The following STAU2 variants were observed in gnomAD, a reference collection of about 807,000 sequenced individuals.
The protein encoded by STAU2 is staufen double-stranded RNA binding protein 2.
In STAU2, 20 loss-of-function variants were observed where a neutral mutation model predicts 65.9. The observed-to-expected ratio is 0.30, with a 90% CI of 0.21 to 0.44. The LOEUF is 0.44. Among genes scored for constraint, STAU2 ranks in the 20% least tolerant of loss-of-function variants. The probability of loss-of-function intolerance (pLI) is 1.00; values close to 1 mark genes in which losing one functional copy is unlikely to be tolerated. For missense variants in STAU2, 558 were observed against 683.9 expected (o/e 0.82, Z 2.05); for synonymous variants, 232 against 233.9 (o/e 0.99, Z 0.07).
At chr8:73,467,885 T>A (rs1440314026) in intron 13 of STAU2, among the ~76,000 whole-genome samples, 1 of 152,164 alleles carries the variant, frequency 6.6e-6, no homozygotes, top group African/African-American at 2.4e-5. Context: ...CTGCCCAAGA[T>A]AATTTATAGA....
intron 13 of STAU2, among the ~76,000 whole-genome samples, chr8:73,520,287 T>G (rs1822972176): frequency 1.3e-5 from 2 of 152,248 alleles, no homozygotes; most frequent in South Asian, 4.1e-4. Context: ...AAATCAGATG[T>G]ATTATAAGAA....
At chr8:73,591,204 G>A (rs1421056486) in intron 11 of STAU2, among the ~76,000 whole-genome samples, 1 of 151,950 alleles carries the variant, frequency 6.6e-6, no homozygotes, top group Non-Finnish European at 1.5e-5. Flanking sequence ...TGAATTGTAC[G>A]GTTTGAAAAA....
At chr8:73,664,505 G>A (rs943634209) in intron 6 of STAU2, among the ~76,000 whole-genome samples, 24 of 152,146 alleles carry the variant, frequency 1.6e-4, no homozygotes, top group African/African-American at 5.8e-4. Flanking sequence ...TCATTAGTGA[G>A]CGCTGACTTC....
intron 3 of STAU2, among the ~76,000 whole-genome samples, chr8:73,729,445 T>A (rs1017383436): frequency 1.3e-5 from 2 of 152,224 alleles, no homozygotes. Flanking sequence ...GTATTCTTAC[T>A]CTCTCCTCTC....
At chr8:73,707,660 T>C (rs1488697227) in intron 4 of STAU2, among the ~76,000 whole-genome samples, 1 of 151,938 alleles carries the variant, frequency 6.6e-6, no homozygotes, top group South Asian at 2.1e-4. Context: ...CAAGGAAGAA[T>C]ACCTGGAATT....
At chr8:73,580,276 C>A (rs1359134305) in intron 12 of STAU2, among the ~76,000 whole-genome samples, 1 of 152,140 alleles carries the variant, frequency 6.6e-6, no homozygotes, top group Non-Finnish European at 1.5e-5. Context: ...AGATGTTATT[C>A]AAGGATGGGT....
intron 13 of STAU2, among the ~76,000 whole-genome samples, chr8:73,545,002 T>G (rs1046623220): frequency 6.6e-6 from 1 of 152,196 alleles, no homozygotes; most frequent in Non-Finnish European, 1.5e-5. Context: ...AGGCCTTTAA[T>G]GAGTACTGCC....
At chr8:73,576,587 G>A (rs1197024093) in intron 12 of STAU2, among the ~76,000 whole-genome samples, 4 of 151,998 alleles carry the variant, frequency 2.6e-5, no homozygotes, top group African/African-American at 9.7e-5. Flanking sequence ...TAAATATATT[G>A]GTAATGTCTA....
Position 73,475,251 on chromosome 8 carries a change from G to A in STAU2, c.1531-52549C>T, listed in dbSNP as rs79359670. On this transcript the variant is annotated intron_variant, in intron 13 of 14. Coordinates refer to ENST00000524300, the MANE Select transcript of STAU2 (RefSeq NM_001164380.2). ...GTACACTGATGTACACTTTTCTGCA[G>A]TATATTGTATTTCAGTGAGAAGTTT... 8.4e-4 allele frequency among the ~76,000 whole-genome samples: 128 copies of A among 152,268 alleles called. 2 individuals carry two copies. In the East Asian group the frequency reaches 0.023, roughly 27 times the overall value.
intron 6 of STAU2, among the ~76,000 whole-genome samples, chr8:73,635,909 C>CACACAT (rs1491296887): frequency 9.4e-4 from 28 of 29,910 alleles, no homozygotes; most frequent in African/African-American, 5.2e-3. Context: ...ACCCCTGAAC[C>CACACAT]ACACACACAC....
rs192048436 is a variant in STAU2, at chr8:73,596,691, A to G, written c.1030-1394T>C. Among the ~76,000 whole-genome samples the G allele has an allele frequency of 2.8e-3, 424 of 152,172 alleles. 3 individuals are homozygous for G. Among genetic ancestry groups the G allele is most frequent in the Middle Eastern group, 6.8e-3 (2 of 294 alleles). On this transcript the variant is annotated intron_variant, in intron 10 of 14. Coordinates refer to ENST00000524300, the MANE Select transcript of STAU2 (RefSeq NM_001164380.2). ...TAGTGAGACCCCATTTTTACAAAAA[A>G]AATTTTAATTAGCTAGGCATGATGG... is the stretch of plus-strand genomic sequence containing the variant.
At chr8:73,445,409 A>ACAAAATTACAAAACAAAAAAAGTG (rs1818414914) in intron 13 of STAU2, among the ~76,000 whole-genome samples, 1 of 152,316 alleles carries the variant, frequency 6.6e-6, no homozygotes, top group East Asian at 1.9e-4. Context: ...AGCCCCCAAA[A>ACAAAATTACAAAACAAAAAAAGTG]CAAAATTACA....
chr8:73,574,462 C>G (rs1422325805), intron 12 of STAU2, among the ~76,000 whole-genome samples: 1 of 152,110 alleles, frequency 6.6e-6, no homozygotes, highest in Non-Finnish European at 1.5e-5. Context: ...CACATGTATG[C>G]TTATTGCAGC....
At chr8:73,500,321 AC>A (rs1821671450) in intron 13 of STAU2, among the ~76,000 whole-genome samples, 1 of 151,832 alleles carries the variant, frequency 6.6e-6, no homozygotes, top group Non-Finnish European at 1.5e-5. Context: ...CCTACCTACC[AC>A]TTCGTTGGTG....
chr8:73,589,220 G>A (rs749800544), intron 11 of STAU2, among the ~76,000 whole-genome samples: 2 of 152,076 alleles, frequency 1.3e-5, no homozygotes, highest in African/African-American at 2.4e-5. Flanking sequence ...TGCAACCCTC[G>A]ATCCAAAAAG....
intron 13 of STAU2, among the ~76,000 whole-genome samples, chr8:73,475,495 T>A (rs958310822): frequency 2.6e-5 from 4 of 152,194 alleles, no homozygotes; most frequent in African/African-American, 9.6e-5. Flanking sequence ...AGTAAATAGA[T>A]CTATAAATTC....
At chr8:73,681,287 C>G (rs1818409664) in intron 5 of STAU2, among the ~76,000 whole-genome samples, 1 of 152,096 alleles carries the variant, frequency 6.6e-6, no homozygotes, top group African/African-American at 2.4e-5. Context: ...AATCTACAAG[C>G]CAGATGGAAT....
rs547983908 is a variant in STAU2 at position 73,474,032 on chromosome 8, A to G, written c.1531-51330T>C. ...TCCACATAACCTTTTTGCCCACCTC[A>G]GAGAGTTGCTAAGACCAACCAATGA... On this transcript the variant is annotated intron_variant, in intron 13 of 14. Transcript: ENST00000524300. 2.6e-5 allele frequency among the ~76,000 whole-genome samples: 4 copies of G among 152,338 alleles called. No homozygotes were observed. In the East Asian group the frequency reaches 7.7e-4, roughly 29 times the overall value.
chr8:73,707,821 T>C (rs143196365), intron 4 of STAU2, among the ~76,000 whole-genome samples: 2,436 of 151,250 alleles, frequency 0.016, 40 homozygotes, highest in Middle Eastern at 0.027. Flanking sequence ...CAGAGAACTA[T>C]AGGTCCCACT....
Sources: gnomAD v4.1 joint callset for allele counts (sites outside exome capture counted in the v4.1 genomes callset) on GRCh38, gnomAD v4.1.1 for gene constraint, MANE v1.5 for transcripts, NCBI Gene and HGNC (gene_info 2026-07-23, HGNC 2026-07-21) for gene names.